The following UTP25 variants were observed in gnomAD, a reference collection of about 807,000 sequenced individuals.
UTP25 encodes UTP25 small subunit processome component.
In UTP25, 50 loss-of-function variants were observed where a neutral mutation model predicts 78.9. The ratio of observed to expected loss-of-function variants is 0.63; its 90% confidence interval spans 0.50 to 0.80. The LOEUF is 0.80. UTP25 is among the 30% of genes least tolerant of loss of function. The pLI is 0.00. For synonymous variants in UTP25, 329 were observed against 336.5 expected, an observed-to-expected ratio of 0.98 and a Z score of 0.24; for missense variants, 846 against 911.3, an observed-to-expected ratio of 0.93 and a Z score of 0.92.
At chr1:209,840,561 T>C (rs907488823) in intron 7 of UTP25, among the ~76,000 whole-genome samples, 3 of 152,066 alleles carry the variant, frequency 2.0e-5, no homozygotes, top group Admixed American at 6.5e-5. Context: ...AGAGGCCGGA[T>C]TGCAGTGGAG....
In UTP25 at chr1:209,830,922, T is replaced by TGAG; in HGVS notation, c.276_278dup (p.Glu96dup). ...ATGTTTCTGAGGAAGAAGAGGAAGA[T>TGAG]GAGGAGGAGGAAGAGGAAGAAGACA... On this transcript the variant is annotated inframe_insertion, in exon 3 of 12. Transcript: ENST00000491415. 1 of 1,613,644 alleles carries TGAG rather than the reference T, an allele frequency of 6.2e-7. No individual in the cohort carries two copies. Among genetic ancestry groups the TGAG allele is most frequent in the Non-Finnish European group, 8.5e-7 (1 of 1,179,664 alleles).
Position 209,838,097 on chromosome 1 carries a change from C to T in UTP25, c.1063-812C>T, listed in dbSNP as rs534595819. Among the ~76,000 whole-genome samples, 4 of 152,270 alleles carry T rather than the reference C, an allele frequency of 2.6e-5. No homozygotes were observed. The East Asian group carries it at 7.7e-4, about 29-fold the overall frequency. On this transcript the variant is annotated intron_variant, in intron 6 of 11. Transcript: ENST00000491415. ...TCTCTGCAACTGTACCAAGCTGAGT[C>T]CACTGCACTCCTTGGGGCTTGAACA...
chr1:209,830,276 T>A, intron 2 of UTP25, 129 bp downstream of exon 2: 1 of 832,398 alleles, frequency 1.2e-6, no homozygotes, highest in Non-Finnish European at 1.8e-6. Context: ...TTTGGCAGTA[T>A]CACTTAATTT....
chr1:209,842,273 G>A lies in UTP25; in HGVS notation c.1494G>A (p.Met498Ile), dbSNP rs1458740851. ...ATTATTTCCACTCAAAGCATTTGAT[G>A]AATCACATGAACCTACTACCCCTGG... ...MQNWEHVLHL[M>I]NHMNLLPLDS... The change falls in exon 9 of 12, where the codon ATG becomes ATA. Residue 498 changes from methionine to isoleucine, a missense_variant. Met to Ile is a conservative substitution (Grantham distance 10, BLOSUM62 1). Transcript: ENST00000491415. 6.2e-7 allele frequency: 1 copy of A among 1,613,468 alleles called. No individual in the cohort carries two copies. Among genetic ancestry groups the A allele is most frequent in the Admixed American group, 1.7e-5 (1 of 60,018 alleles).
rs2078171094 is a variant in UTP25, at chr1:209,842,263, A to G, written c.1486-2A>G. 2 of 1,613,158 alleles carry G rather than the reference A, an allele frequency of 1.2e-6. No individual in the cohort carries two copies. Among genetic ancestry groups the G allele is most frequent in the Middle Eastern group, 1.8e-4 (1 of 5,508 alleles). ...TAATGGTAATATTATTTCCACTCAA[A>G]GCATTTGATGAATCACATGAACCTA... On this transcript the variant is annotated splice_acceptor_variant, in intron 8 of 11. Coordinates refer to ENST00000491415, the MANE Select transcript of UTP25 (RefSeq NM_014388.7). LOFTEE classifies it high-confidence loss of function.
intron 10 of UTP25, 168 bp from the exon 11 acceptor site, chr1:209,843,283 T>C (rs2078177622): frequency 4.0e-6 from 3 of 748,180 alleles, no homozygotes; most frequent in South Asian, 3.9e-5. Context: ...TTAGTGTGCT[T>C]ATCAAGTTTT....
At chr1:209,836,237 A>C (rs1332459267) in intron 5 of UTP25, among the ~76,000 whole-genome samples, 1 of 152,078 alleles carries the variant, frequency 6.6e-6, no homozygotes. Flanking sequence ...TTTATTGCTG[A>C]GGTTGTCCTA....
At position 209,830,876 on chromosome 1, in the gene UTP25, G is replaced by A; in HGVS notation, c.221G>A (p.Arg74Lys). The stretch of plus-strand genomic sequence containing the variant: ...CCACAACAAGTTTCTGGCTACCACA[G>A]ACTACTTGCTACATTAAAGAATGTT... ...SEPQQVSGYHRLLATLKNVSE... is the reference protein window; with the variant it reads ...SEPQQVSGYHKLLATLKNVSE... The change falls in exon 3 of 12, where the codon AGA (arginine) becomes AAA (lysine). Residue 74 changes from arginine to lysine, a missense_variant. By Grantham distance (26) the Arg-to-Lys change is conservative. Coordinates refer to ENST00000491415, the MANE Select transcript of UTP25 (RefSeq NM_014388.7). 6.2e-7 allele frequency: 1 copy of A among 1,614,112 alleles called. No individual in the cohort carries two copies. The highest frequency in any genetic ancestry group is 8.5e-7 in the Non-Finnish European group (1 of 1,179,990).
At chr1:209,843,391 T>C (rs2078178252) in intron 10 of UTP25, 60 bp from the exon 11 acceptor site, 2 of 1,590,852 alleles carry the variant, frequency 1.3e-6, no homozygotes, top group South Asian at 1.1e-5. Context: ...GTCACACAGT[T>C]AAGAGACACC....
In UTP25 at chr1:209,856,500, G is replaced by C. The variant is rs1426241632; in HGVS notation, c.*5053G>C. The C allele has an allele frequency of 1.3e-5, 2 of 152,384 alleles. No homozygotes were observed. The highest frequency in any genetic ancestry group is 3.9e-4 in the East Asian group (2 of 5,190). The allele number at this position is 152,384 out of a possible 1,614,324, so 9.4% of individuals were successfully genotyped here. A position where few individuals can be genotyped will look rare whatever the true frequency, so the allele number is the denominator to read the frequency against. On this transcript the variant is annotated 3_prime_UTR_variant, in exon 12 of 12. Coordinates refer to ENST00000491415, the MANE Select transcript of UTP25 (RefSeq NM_014388.7). The stretch of plus-strand genomic sequence containing the variant: ...CTGAGGCTATAAGCTCTGTACGTAG[G>C]AGAGTGGTGAAGAAAGGAGCTTGGT...
intron 11 of UTP25, 78 bp from the exon 12 acceptor site, chr1:209,851,126 C>G: frequency 6.6e-7 from 1 of 1,507,396 alleles, no homozygotes; most frequent in Non-Finnish European, 8.9e-7. Flanking sequence ...ATGAACTATG[C>G]CTCTGTACAA....
rs545632246 is a variant in UTP25, at chr1:209,843,791, G to C, written c.2027+95G>C. The C allele has an allele frequency of 9.5e-6, 14 of 1,476,082 alleles. No homozygotes were observed. In the Admixed American group the frequency reaches 2.9e-4, roughly 30 times the overall value. The allele number at this position is 1,476,082 out of a possible 1,614,324, so 91.4% of individuals were successfully genotyped here. A position where few individuals can be genotyped will look rare whatever the true frequency, so the allele number is the denominator to read the frequency against. The stretch of plus-strand genomic sequence containing the variant: ...AATGCATGGCAGGCTTCGTGGTGTT[G>C]AGATCATCCCTCACTCTCGCACTCT... On this transcript the variant is annotated intron_variant, in intron 11 of 11. Coordinates refer to ENST00000491415, the MANE Select transcript of UTP25 (RefSeq NM_014388.7).
Position 209,851,588 on chromosome 1 carries a change from T to C in UTP25, c.*141T>C, listed in dbSNP as rs561242488. On this transcript the variant is annotated 3_prime_UTR_variant, in exon 12 of 12. Transcript: ENST00000491415. The stretch of plus-strand genomic sequence containing the variant: ...GGCAATGTCAGTATTATCTGACATC[T>C]TTCTTTTCAGGTCATGTGTCCCTGA... The C allele has an allele frequency of 3.5e-5, 39 of 1,121,274 alleles. No homozygotes were observed. Among genetic ancestry groups the C allele is most frequent in the Middle Eastern group, 6.3e-4 (2 of 3,190 alleles). The allele number at this position is 1,121,274 out of a possible 1,614,324, so 69.5% of individuals were successfully genotyped here. A position where few individuals can be genotyped will look rare whatever the true frequency, so the allele number is the denominator to read the frequency against.
chr1:209,848,081 A>G (rs2078208701), intron 11 of UTP25, among the ~76,000 whole-genome samples: 1 of 152,222 alleles, frequency 6.6e-6, no homozygotes, highest in African/African-American at 2.4e-5. Context: ...AGAAGCTTTT[A>G]AAAATCCAAA....
At chr1:209,839,157 T>TTCACACTTTAGGTCTC in intron 7 of UTP25, 29 bp downstream of exon 7, 1 of 1,572,682 alleles carries the variant, frequency 6.4e-7, no homozygotes, top group Non-Finnish European at 8.7e-7. Context: ...CTTTGAGACC[T>TTCACACTTTAGGTCTC]AAAGTGTGAA....
In UTP25 at chr1:209,854,218, A is replaced by T. The variant is rs1018579048; in HGVS notation, c.*2771A>T. The T allele has an allele frequency of 2.0e-5, 3 of 152,214 alleles. No homozygotes were observed. Among genetic ancestry groups the T allele is most frequent in the African/African-American group, 7.2e-5 (3 of 41,454 alleles). The allele number at this position is 152,214 out of a possible 1,614,324, so 9.4% of individuals were successfully genotyped here. On this transcript the variant is annotated 3_prime_UTR_variant, in exon 12 of 12. Transcript: ENST00000491415. ...GACAAAGGATGGTCCCAATCCTGGA[A>T]ACAGTGGAATTAAAAGGTATGGAAA...
chr1:209,828,151 G>T lies in UTP25; in HGVS notation c.88G>T (p.Glu30Ter). 1.2e-6 allele frequency: 2 copies of T among 1,614,098 alleles called. No individual in the cohort carries two copies. The highest frequency in any genetic ancestry group is 1.7e-6 in the Non-Finnish European group (2 of 1,179,956). Residue 30 changes from glutamate to a stop codon, truncating the protein, a stop_gained, in exon 1 of 12, where the codon GAG becomes TAG. Transcript: ENST00000491415. LOFTEE classifies it high-confidence loss of function. Reference sequence around the variant, plus strand: ...GAAACATCTTCGAGATTTCGGCGAGGAGCATCCCTTCTATGACAGGTCTGA... The same window carrying T: ...GAAACATCTTCGAGATTTCGGCGAGTAGCATCCCTTCTATGACAGGTCTGA... ...QKKHLRDFGEEHPFYDRVSRK... is the reference protein window; with the variant it reads ...QKKHLRDFGE
intron 5 of UTP25, 63 bp downstream of exon 5, chr1:209,835,226 G>A (rs1242366487): frequency 7.1e-7 from 1 of 1,401,858 alleles, no homozygotes; most frequent in African/African-American, 1.4e-5. Context: ...CAGTGGTCTT[G>A]GGTTTTAGTG....
rs1021056095 is a variant in UTP25 at position 209,852,103 on chromosome 1, T to C, written c.*656T>C. ...ACATCAGCTCTGTCTCAAGAAGTAA[T>C]TTTGTTGAAACTCCATGTTAAAATA... On this transcript the variant is annotated 3_prime_UTR_variant, in exon 12 of 12. Coordinates refer to ENST00000491415, the MANE Select transcript of UTP25 (RefSeq NM_014388.7). 2 of 152,268 alleles carry C rather than the reference T, an allele frequency of 1.3e-5. No individual in the cohort carries two copies. The highest frequency in any genetic ancestry group is 2.9e-5 in the Non-Finnish European group (2 of 68,046). The allele number at this position is 152,268 out of a possible 1,614,324, so 9.4% of individuals were successfully genotyped here. A position where few individuals can be genotyped will look rare whatever the true frequency, so the allele number is the denominator to read the frequency against.
Sources: allele counts gnomAD v4.1 joint callset (sites outside exome capture counted in the v4.1 genomes callset), GRCh38; gene constraint gnomAD v4.1.1; transcripts MANE v1.5; gene names NCBI Gene and HGNC (gene_info 2026-07-23, HGNC 2026-07-21).